Variants in ARHGAP31 observed in about 807,000 individuals in gnomAD.
The protein encoded by ARHGAP31 is Rho GTPase activating protein 31.
In ARHGAP31, 34 loss-of-function variants were observed where a neutral mutation model predicts 113.9. The ratio of observed to expected loss-of-function variants is 0.30; its 90% CI spans 0.23 to 0.40. ARHGAP31 has a LOEUF of 0.40. Among genes scored for constraint, ARHGAP31 ranks in the 10% least tolerant of loss-of-function variants. ARHGAP31 has a pLI of 1.00. For synonymous variants in ARHGAP31, 650 were observed against 684.8 expected (o/e 0.95, Z 0.79); for missense variants, 1,548 against 1,767.1 (o/e 0.88, Z 2.22).
rs144724985 is a variant in ARHGAP31 at position 119,357,975 on chromosome 3, C to G, written c.101-7341C>G. 1.7e-3 allele frequency among the ~76,000 whole-genome samples: 257 copies of G among 152,240 alleles called. 5 individuals are homozygous for G. In the East Asian group the frequency reaches 0.04, roughly 24 times the overall value. ...TAAATCAGAAATAAGAAGCTTTTCT[C>G]CTGATACAAAAAGCACAAGCAACAA... is the stretch of plus-strand genomic sequence containing the variant. On this transcript the variant is annotated intron_variant, in intron 1 of 11. Coordinates refer to ENST00000264245, the MANE Select transcript of ARHGAP31 (RefSeq NM_020754.4).
chr3:119,416,512 A>G lies in ARHGAP31; in HGVS notation c.*248A>G. 1 of 533,406 alleles carries G rather than the reference A, an allele frequency of 1.9e-6. No individual in the cohort carries two copies. The allele number at this position is 533,406 out of a possible 1,614,324, so 33.0% of individuals were successfully genotyped here. ...GTGAGAGAAGGTTAGGTAAGGGGAG[A>G]GGATGGAATGCTTGCCTCCAATGAA... On this transcript the variant is annotated 3_prime_UTR_variant, in exon 12 of 12. Coordinates refer to ENST00000264245, the MANE Select transcript of ARHGAP31 (RefSeq NM_020754.4).
chr3:119,374,413 C>T (rs931090361), intron 3 of ARHGAP31, among the ~76,000 whole-genome samples: 1 of 151,846 alleles, frequency 6.6e-6, no homozygotes, highest in Non-Finnish European at 1.5e-5. Flanking sequence ...TGGAACCATG[C>T]TTGGACAGCC....
At chr3:119,349,047 C>T (rs1012601913) in intron 1 of ARHGAP31, among the ~76,000 whole-genome samples, 3 of 152,170 alleles carry the variant, frequency 2.0e-5, no homozygotes, top group South Asian at 2.1e-4. Flanking sequence ...AATATCATCA[C>T]CCCTTGCTGT....
intron 2 of ARHGAP31, 138 bp downstream of exon 2, chr3:119,365,556 G>A (rs561462425): frequency 2.9e-5 from 22 of 759,488 alleles, no homozygotes; most frequent in African/African-American, 5.2e-5. Context: ...AGATGCAGTG[G>A]TTTTCAGATG....
intron 1 of ARHGAP31, among the ~76,000 whole-genome samples, chr3:119,350,327 G>A (rs1474427038): frequency 6.6e-6 from 1 of 152,204 alleles, no homozygotes; most frequent in African/African-American, 2.4e-5. Flanking sequence ...ATGAAAGGAT[G>A]CTGGTGTGGG....
At chr3:119,310,891 C>T (rs1179772229) in intron 1 of ARHGAP31, among the ~76,000 whole-genome samples, 1 of 152,102 alleles carries the variant, frequency 6.6e-6, no homozygotes, top group Non-Finnish European at 1.5e-5. Context: ...TTTCCCAACC[C>T]TAAATTGGAA....
intron 1 of ARHGAP31, among the ~76,000 whole-genome samples, chr3:119,335,637 G>A (rs890979839): frequency 6.6e-6 from 1 of 152,220 alleles, no homozygotes; most frequent in Admixed American, 6.5e-5. Flanking sequence ...GTATGTGGCA[G>A]CCACACAGCA....
chr3:119,377,278 A>G (rs1037815906), intron 3 of ARHGAP31, among the ~76,000 whole-genome samples: 2 of 152,220 alleles, frequency 1.3e-5, no homozygotes, highest in Non-Finnish European at 2.9e-5. Context: ...AATGTAAGAC[A>G]TAGATCTATA....
chr3:119,382,576 G>A (rs1240185786), intron 5 of ARHGAP31, among the ~76,000 whole-genome samples, 177 bp downstream of exon 5: 1 of 152,236 alleles, frequency 6.6e-6, no homozygotes, highest in Admixed American at 6.5e-5. Flanking sequence ...TAAGCTCTCT[G>A]CCTGCTAACT....
chr3:119,306,676 C>T (rs2079633136), intron 1 of ARHGAP31, among the ~76,000 whole-genome samples: 1 of 152,170 alleles, frequency 6.6e-6, no homozygotes, highest in African/African-American at 2.4e-5. Flanking sequence ...TAAAGTGCTG[C>T]TGCAAGTCAG....
chr3:119,373,884 T>C (rs1281968356), intron 3 of ARHGAP31, among the ~76,000 whole-genome samples: 1 of 152,234 alleles, frequency 6.6e-6, no homozygotes, highest in Non-Finnish European at 1.5e-5. Context: ...AGTAACTCTA[T>C]TTCTAGGACT....
chr3:119,380,814 G>C (rs1000851775), intron 3 of ARHGAP31, 90 bp from the exon 4 acceptor site: 3 of 1,061,422 alleles, frequency 2.8e-6, no homozygotes, highest in African/African-American at 3.1e-5. Context: ...TGTGAGGCTG[G>C]AGTATGAGGG....
chr3:119,299,080 A>T (rs1324612897), intron 1 of ARHGAP31: 2 of 150,366 alleles, frequency 1.3e-5, no homozygotes, highest in Middle Eastern at 3.4e-3. Flanking sequence ...AATTATACTT[A>T]AAAAAAAATT....
intron 1 of ARHGAP31, among the ~76,000 whole-genome samples, chr3:119,308,045 C>T (rs1160418727): frequency 1.3e-5 from 2 of 151,232 alleles, no homozygotes; most frequent in Middle Eastern, 3.4e-3. Context: ...GTCACGCACG[C>T]AGCGTTGTCT....
At chr3:119,362,818 T>G (rs1340379789) in intron 1 of ARHGAP31, among the ~76,000 whole-genome samples, 3 of 151,138 alleles carry the variant, frequency 2.0e-5, no homozygotes, top group Admixed American at 2.0e-4. Context: ...TTTTGACCTG[T>G]ACGAGGTTGG....
intron 1 of ARHGAP31, among the ~76,000 whole-genome samples, chr3:119,358,271 T>G (rs1459578553): frequency 1.3e-5 from 2 of 152,184 alleles, no homozygotes; most frequent in Non-Finnish European, 2.9e-5. Context: ...TTCTACATTG[T>G]TATCAGGGAA....
rs1559981958 is a variant in ARHGAP31, at chr3:119,368,528, GATTTCCATT to G, written c.348+15_348+23del. ...ATGAGAAATTCACGGTGAGTGTTTG[GATTTCCATT>G]ATGGTTACTGGGTGGGATGCATGGA... is the stretch of plus-strand genomic sequence containing the variant. On this transcript the variant is annotated intron_variant, in intron 3 of 11. Coordinates refer to ENST00000264245, the MANE Select transcript of ARHGAP31 (RefSeq NM_020754.4). 1 of 1,614,092 alleles carries G rather than the reference GATTTCCATT, an allele frequency of 6.2e-7. No individual in the cohort carries two copies. Among genetic ancestry groups the G allele is most frequent in the Non-Finnish European group, 8.5e-7 (1 of 1,180,010 alleles).
chr3:119,381,973 G>A (rs529268256), intron 4 of ARHGAP31, among the ~76,000 whole-genome samples: 195 of 138,122 alleles, frequency 1.4e-3, no homozygotes, highest in Middle Eastern at 4.4e-3. Flanking sequence ...GCGACAGAGC[G>A]AGACTCCGTC....
chr3:119,350,171 A>G (rs1317214000), intron 1 of ARHGAP31, among the ~76,000 whole-genome samples: 1 of 152,202 alleles, frequency 6.6e-6, no homozygotes, highest in Non-Finnish European at 1.5e-5. Context: ...AAAGGGTTAC[A>G]AACTGCAGGG....
Sources: allele counts gnomAD v4.1 joint callset (sites outside exome capture counted in the v4.1 genomes callset), GRCh38; gene constraint gnomAD v4.1.1; transcripts MANE v1.5; gene names NCBI Gene and HGNC (gene_info 2026-07-23, HGNC 2026-07-21).